The following MRPL1 variants were observed in gnomAD, a reference collection of about 807,000 sequenced individuals.
MRPL1 encodes the protein large ribosomal subunit protein uL1m.
A neutral mutation model predicts 38.0 loss-of-function variants in MRPL1; 28 were observed. That is an observed-to-expected ratio of 0.74 (90% CI 0.55 to 1.01). The LOEUF (loss-of-function observed/expected upper bound fraction) is 1.01. MRPL1 is among the 50% of genes least tolerant of loss of function. MRPL1 has a pLI of 0.00. For missense variants in MRPL1, 358 were observed against 389.8 expected, an observed-to-expected ratio of 0.92 and a Z score of 0.69; for synonymous variants, 123 against 126.7, an observed-to-expected ratio of 0.97 and a Z score of 0.20.
At chr4:77,912,183 C>A (rs114036672) in intron 7 of MRPL1, among the ~76,000 whole-genome samples, 45 of 152,082 alleles carry the variant, frequency 3.0e-4, no homozygotes, top group African/African-American at 1.0e-3. Context: ...AGATCAGGAA[C>A]AAGACAAGGA....
Position 77,949,489 on chromosome 4 carries a change from C to T in MRPL1, c.778-308C>T, listed in dbSNP as rs188537393. 7.9e-5 allele frequency among the ~76,000 whole-genome samples: 12 copies of T among 151,836 alleles called. No homozygotes were observed. The East Asian group carries it at 1.6e-3, about 20-fold the overall frequency. Reference sequence around the variant, plus strand: ...AATGTCACTGTTTTCTTGGGGGGTGCGTGTAGGGAATGATGTATTCTGCTC... The same window carrying T: ...AATGTCACTGTTTTCTTGGGGGGTGTGTGTAGGGAATGATGTATTCTGCTC... On this transcript the variant is annotated intron_variant, in intron 7 of 8. Coordinates refer to ENST00000315567, the MANE Select transcript of MRPL1 (RefSeq NM_020236.4).
chr4:77,863,193 A>G lies in MRPL1; in HGVS notation c.31+314A>G, dbSNP rs192764332. Among the ~76,000 whole-genome samples the G allele has an allele frequency of 8.5e-5, 13 of 152,232 alleles. No homozygotes were observed. In the East Asian group the frequency reaches 1.9e-3, roughly 23 times the overall value. ...TGTGGGCTGCGGGTAGTGGAGTGTG[A>G]TAAGTGAGGTGAGTTCTGATAAGGG... is the stretch of plus-strand genomic sequence containing the variant. On this transcript the variant is annotated intron_variant, in intron 1 of 8. Coordinates refer to ENST00000315567, the MANE Select transcript of MRPL1 (RefSeq NM_020236.4).
Position 77,949,822 on chromosome 4 carries a change from C to T in MRPL1, c.803C>T (p.Ala268Val). The change falls in exon 8 of 9, where the codon GCT (alanine) becomes GTT (valine). Residue 268 changes from alanine to valine, a missense_variant. Ala to Val is a moderately conservative substitution (Grantham distance 64). Transcript: ENST00000315567. The stretch of plus-strand genomic sequence containing the variant: ...TTGGATATGTCAAGTGACCAGATAG[C>T]TGCCAATCTGCAAGCAGTTATTAAT... ...ATLDMSSDQI[A>V]ANLQAVINEV... 1 of 1,610,056 alleles carries T rather than the reference C, an allele frequency of 6.2e-7. No individual in the cohort carries two copies. Among genetic ancestry groups the T allele is most frequent in the Non-Finnish European group, 8.5e-7 (1 of 1,177,744 alleles).
chr4:77,893,981 A>G (rs1735860605), intron 5 of MRPL1, among the ~76,000 whole-genome samples, 158 bp from the exon 6 acceptor site: 1 of 152,062 alleles, frequency 6.6e-6, no homozygotes, highest in South Asian at 2.1e-4. Context: ...TGGTTTTTAT[A>G]ATTGACAGGT....
intron 7 of MRPL1, 70 bp from the exon 8 acceptor site, chr4:77,949,727 A>G: frequency 9.1e-7 from 1 of 1,104,496 alleles, no homozygotes; most frequent in Non-Finnish European, 1.3e-6. Flanking sequence ...CTATTTGAAA[A>G]ATAGTCTAGA....
intron 7 of MRPL1, among the ~76,000 whole-genome samples, chr4:77,921,020 A>C (rs1216032899): frequency 6.6e-6 from 1 of 152,066 alleles, no homozygotes. Context: ...TCGCCTCCCA[A>C]AGTGTTAGGA....
chr4:77,921,775 T>G (rs537658504), intron 7 of MRPL1, among the ~76,000 whole-genome samples: 42 of 150,694 alleles, frequency 2.8e-4, no homozygotes, highest in African/African-American at 8.7e-4. Context: ...GTGCAGAGTT[T>G]TTTTTTTTTT....
chr4:77,865,348 C>T (rs1735103442), intron 1 of MRPL1, among the ~76,000 whole-genome samples: 1 of 152,104 alleles, frequency 6.6e-6, no homozygotes, highest in African/African-American at 2.4e-5. Flanking sequence ...ATTGTCATAG[C>T]CTGCAGTCTT....
At chr4:77,923,425 A>G (rs1372771086) in intron 7 of MRPL1, among the ~76,000 whole-genome samples, 4 of 152,104 alleles carry the variant, frequency 2.6e-5, no homozygotes, top group Non-Finnish European at 5.9e-5. Flanking sequence ...GTGGATATAC[A>G]TTGGAATTTA....
intron 7 of MRPL1, among the ~76,000 whole-genome samples, chr4:77,929,017 C>A (rs1275483903): frequency 6.6e-6 from 1 of 152,154 alleles, no homozygotes; most frequent in African/African-American, 2.4e-5. Context: ...AATAGAATGA[C>A]ACATGATGAA....
chr4:77,945,640 G>T (rs930047515), intron 7 of MRPL1, among the ~76,000 whole-genome samples: 3 of 151,982 alleles, frequency 2.0e-5, no homozygotes, highest in African/African-American at 7.3e-5. Context: ...GGCCGGCTGA[G>T]AAATAAAGAG....
chr4:77,903,464 G>A (rs961101353), intron 6 of MRPL1, among the ~76,000 whole-genome samples: 3 of 152,196 alleles, frequency 2.0e-5, no homozygotes, highest in African/African-American at 7.2e-5. Flanking sequence ...GTTCAACATT[G>A]TACTGGATGG....
chr4:77,925,275 G>GAT (rs1353730051), intron 7 of MRPL1, among the ~76,000 whole-genome samples: 1 of 151,478 alleles, frequency 6.6e-6, no homozygotes, highest in East Asian at 1.9e-4. Context: ...TATATAATTA[G>GAT]ATATATATGT....
chr4:77,909,442 A>G (rs896348258), intron 7 of MRPL1, 70 bp downstream of exon 7: 2 of 945,218 alleles, frequency 2.1e-6, no homozygotes, highest in African/African-American at 3.4e-5. Flanking sequence ...GTAATTTATA[A>G]TATTATAAAA....
rs534070885 is a variant in MRPL1 at position 77,922,530 on chromosome 4, G to A, written c.777+13158G>A. On this transcript the variant is annotated intron_variant, in intron 7 of 8. Transcript: ENST00000315567. Reference sequence around the variant, plus strand: ...CAGTAGACTGAAGGGAACCTGGATGGAAGCAGAGTCCAGTTAAGGGTCTTT... The same window carrying A: ...CAGTAGACTGAAGGGAACCTGGATGAAAGCAGAGTCCAGTTAAGGGTCTTT... 5.3e-5 allele frequency among the ~76,000 whole-genome samples: 8 copies of A among 152,336 alleles called. No homozygotes were observed. In the South Asian group the frequency reaches 1.7e-3, roughly 32 times the overall value.
At chr4:77,893,247 C>T (rs1162341096) in intron 5 of MRPL1, among the ~76,000 whole-genome samples, 1 of 152,018 alleles carries the variant, frequency 6.6e-6, no homozygotes, top group Non-Finnish European at 1.5e-5. Context: ...CTCCCGGTTA[C>T]CTGGGACTAC....
intron 2 of MRPL1, among the ~76,000 whole-genome samples, chr4:77,872,314 C>T (rs72868300): frequency 0.02 from 3,044 of 152,206 alleles, 92 homozygotes; most frequent in African/African-American, 0.07. Flanking sequence ...TAATTTCTTT[C>T]TGTCCTTTAA....
At chr4:77,902,378 G>A (rs1271416111) in intron 6 of MRPL1, among the ~76,000 whole-genome samples, 14 of 139,364 alleles carry the variant, frequency 1.0e-4, no homozygotes, top group South Asian at 2.4e-4. Context: ...TAGTGAGACC[G>A]GCTTTCTAAA....
intron 8 of MRPL1, among the ~76,000 whole-genome samples, chr4:77,950,640 T>G (rs945456773): frequency 2.0e-5 from 3 of 152,218 alleles, no homozygotes; most frequent in Non-Finnish European, 2.9e-5. Flanking sequence ...TACTGGTGAA[T>G]AAATACCACC....
Sources: allele counts gnomAD v4.1 joint callset (sites outside exome capture counted in the v4.1 genomes callset), GRCh38; gene constraint gnomAD v4.1.1; transcripts MANE v1.5; gene names NCBI Gene and HGNC (gene_info 2026-07-23, HGNC 2026-07-21).